MEGF11: variants seen among roughly 807,000 people sequenced by gnomAD.
MEGF11 encodes the protein multiple epidermal growth factor-like domains protein 11.
MEGF11 carries 126 observed loss-of-function variants against 146.6 expected under a neutral mutation model. The observed-to-expected ratio is 0.86, with a 90% CI of 0.74 to 1.00. The LOEUF (loss-of-function observed/expected upper bound fraction) is 1.00, where lower values mean the gene tolerates loss of function less well. Ranked by LOEUF, MEGF11 falls within the 50% of genes least tolerant of loss-of-function variation. The pLI is 0.00. For synonymous variants in MEGF11, 532 were observed against 583.4 expected (o/e 0.91, Z 1.27); for missense variants, 1,509 against 1,521.2 (o/e 0.99, Z 0.13).
At chr15:66,033,794 T>A (rs549977750) in intron 5 of MEGF11, among the ~76,000 whole-genome samples, 1 of 152,384 alleles carries the variant, frequency 6.6e-6, no homozygotes, top group Admixed American at 6.5e-5. Flanking sequence ...TTTTATTTTT[T>A]ATTTTTATTT....
intron 5 of MEGF11, among the ~76,000 whole-genome samples, chr15:66,062,562 C>T (rs1181785977): frequency 2.6e-5 from 4 of 152,102 alleles, no homozygotes; most frequent in African/African-American, 4.8e-5. Flanking sequence ...CCCAGTCAAT[C>T]CTCTGATGAG....
At chr15:66,097,121 C>T (rs2086587225) in intron 4 of MEGF11, among the ~76,000 whole-genome samples, 1 of 152,212 alleles carries the variant, frequency 6.6e-6, no homozygotes, top group Admixed American at 6.5e-5. Context: ...TGGTATTTTG[C>T]CTGCACTATT....
chr15:66,177,915 G>A (rs1362490247), intron 1 of MEGF11, among the ~76,000 whole-genome samples: 2 of 152,058 alleles, frequency 1.3e-5, no homozygotes, highest in Non-Finnish European at 2.9e-5. Flanking sequence ...GAACACCTGA[G>A]CTTAAGCGAT....
chr15:66,147,605 C>T (rs1261903668), intron 1 of MEGF11, among the ~76,000 whole-genome samples: 1 of 152,176 alleles, frequency 6.6e-6, no homozygotes, highest in Admixed American at 6.5e-5. Flanking sequence ...CAACAGTGCT[C>T]CGGGCAGAGT....
chr15:66,253,394 T>A (rs554583766), intron 1 of MEGF11, among the ~76,000 whole-genome samples: 1 of 152,166 alleles, frequency 6.6e-6, no homozygotes, highest in East Asian at 1.9e-4. Context: ...CTGGCGCTCC[T>A]GCAAGCCCCG....
At chr15:65,931,051 C>T in intron 10 of MEGF11, 108 bp from the exon 11 acceptor site, 2 of 1,288,746 alleles carry the variant, frequency 1.6e-6, no homozygotes, top group South Asian at 3.7e-5. Flanking sequence ...TGTCCTAATC[C>T]CTGGGATCTG....
intron 7 of MEGF11, among the ~76,000 whole-genome samples, chr15:65,971,869 T>C (rs333562): frequency 0.96 from 145,718 of 152,080 alleles, 70,039 homozygotes; most frequent in East Asian, 1. Flanking sequence ...ATAGGAACCA[T>C]GCCTGGAGCA....
intron 5 of MEGF11, among the ~76,000 whole-genome samples, chr15:66,046,425 C>T (rs1162159587): frequency 2.0e-5 from 3 of 152,202 alleles, no homozygotes; most frequent in Non-Finnish European, 2.9e-5. Context: ...AGTGTAGGCA[C>T]CTCACGGGAC....
At chr15:66,221,951 T>C (rs926101032) in intron 1 of MEGF11, among the ~76,000 whole-genome samples, 1 of 152,156 alleles carries the variant, frequency 6.6e-6, no homozygotes, top group Admixed American at 6.5e-5. Flanking sequence ...TTCCTAATTG[T>C]GCTTGTTAAA....
chr15:65,986,045 G>A (rs1482550603), intron 5 of MEGF11, among the ~76,000 whole-genome samples: 14 of 151,226 alleles, frequency 9.3e-5, no homozygotes, highest in Admixed American at 7.9e-4. Flanking sequence ...TCCACTTCCC[G>A]GGTTCAAGCG....
At chr15:66,164,579 G>T (rs2090047811) in intron 1 of MEGF11, among the ~76,000 whole-genome samples, 1 of 152,136 alleles carries the variant, frequency 6.6e-6, no homozygotes, top group South Asian at 2.1e-4. Context: ...TTCTCACCAG[G>T]TCTGGCATGT....
At chr15:65,898,556 T>C in intron 25 of MEGF11, 172 bp downstream of exon 25, 1 of 985,392 alleles carries the variant, frequency 1.0e-6, no homozygotes, top group Non-Finnish European at 1.2e-6. Flanking sequence ...TTTGACTTCC[T>C]GCATTAGCTA....
At chr15:66,196,849 TA>T (rs2091021111) in intron 1 of MEGF11, among the ~76,000 whole-genome samples, 1 of 152,232 alleles carries the variant, frequency 6.6e-6, no homozygotes. Context: ...GTAAACATGC[TA>T]AAGACAGATG....
intron 7 of MEGF11, among the ~76,000 whole-genome samples, chr15:65,971,713 C>G (rs918322694): frequency 6.6e-6 from 1 of 152,186 alleles, no homozygotes; most frequent in Non-Finnish European, 1.5e-5. Context: ...TGACATCTCC[C>G]TCCACCCCCA....
At chr15:66,077,669 T>C (rs1365338199) in intron 5 of MEGF11, among the ~76,000 whole-genome samples, 2 of 152,164 alleles carry the variant, frequency 1.3e-5, no homozygotes, top group African/African-American at 4.8e-5. Flanking sequence ...ACGTGGGTCC[T>C]GCATGAAGAG....
chr15:65,944,633 C>G (rs909695173), intron 10 of MEGF11, among the ~76,000 whole-genome samples: 11 of 152,142 alleles, frequency 7.2e-5, no homozygotes, highest in Non-Finnish European at 1.6e-4. Context: ...GTGAGTGACT[C>G]AGTGTTCCAG....
At chr15:65,980,297 G>T (rs2081587359) in intron 7 of MEGF11, among the ~76,000 whole-genome samples, 2 of 152,068 alleles carry the variant, frequency 1.3e-5, no homozygotes, top group Non-Finnish European at 1.5e-5. Context: ...GGCAGACCTG[G>T]GATTCAAAGC....
chr15:66,086,113 A>T (rs2086097878), intron 5 of MEGF11, among the ~76,000 whole-genome samples: 1 of 152,170 alleles, frequency 6.6e-6, no homozygotes. Flanking sequence ...AACAAAGACA[A>T]AGAAAAAAAA....
chr15:66,060,210 G>A (rs968659646), intron 5 of MEGF11, among the ~76,000 whole-genome samples: 33 of 152,066 alleles, frequency 2.2e-4, no homozygotes, highest in African/African-American at 7.7e-4. Context: ...GAGGGGGAAA[G>A]AGAAGGCAGG....
Sources: allele counts gnomAD v4.1 joint callset (sites outside exome capture counted in the v4.1 genomes callset), GRCh38; gene constraint gnomAD v4.1.1; transcripts MANE v1.5; gene names NCBI Gene and HGNC (gene_info 2026-07-23, HGNC 2026-07-21).